Variants in NAV3 observed in about 807,000 individuals in gnomAD.
NAV3 encodes the protein neuron navigator 3.
In NAV3, 87 loss-of-function variants were observed where a neutral mutation model predicts 244.7. The observed-to-expected ratio is 0.36, with a 90% CI of 0.30 to 0.42. NAV3 has a LOEUF of 0.42. NAV3 is among the 20% of genes least tolerant of loss of function. The pLI is 1.00. For missense variants in NAV3, 2,663 were observed against 2,893.3 expected (o/e 0.92, Z 1.83); for synonymous variants, 1,126 against 1,042.2 (o/e 1.08, Z -1.55).
At position 77,894,687 on chromosome 12, in the gene NAV3, T is replaced by G. The variant is rs1278484452; in HGVS notation, c.244-45632T>G. 5.9e-5 allele frequency among the ~76,000 whole-genome samples: 9 copies of G among 152,062 alleles called. 1 individual carries two copies. In the South Asian group the frequency reaches 1.4e-3, roughly 24 times the overall value. On this transcript the variant is annotated intron_variant, in intron 1 of 39. Transcript: ENST00000397909. ...GATCCCTATTTTGAATAAGAGTAAA[T>G]GAGTGAAAAGCGCTGAGTAGAAGCA...
chr12:77,718,266 G>T (rs1285983616), intron 2 of NAV3, among the ~76,000 whole-genome samples: 1 of 152,068 alleles, frequency 6.6e-6, no homozygotes, highest in African/African-American at 2.4e-5. Context: ...GTACAATAAG[G>T]CTCAAATTTT....
chr12:77,842,261 T>C (rs1303977423), intron 1 of NAV3, among the ~76,000 whole-genome samples: 4 of 152,114 alleles, frequency 2.6e-5, no homozygotes, highest in Non-Finnish European at 5.9e-5. Flanking sequence ...AAATACCATA[T>C]AAAAAGCTCA....
chr12:77,642,379 A>G (rs1872452922), intron 2 of NAV3, among the ~76,000 whole-genome samples: 2 of 152,114 alleles, frequency 1.3e-5, no homozygotes, highest in South Asian at 4.1e-4. Context: ...TCAATCAGCC[A>G]CATGGGCTTT....
chr12:78,188,859 T>G, intron 33 of NAV3, 82 bp downstream of exon 33: 1 of 1,343,780 alleles, frequency 7.4e-7, no homozygotes, highest in Non-Finnish European at 1.0e-6. Context: ...TTTGGCCAGT[T>G]TCCCTTAAAA....
Position 78,193,910 on chromosome 12 carries a change from T to C in NAV3, c.6292-3337T>C, listed in dbSNP as rs536528771. On this transcript the variant is annotated intron_variant, in intron 34 of 39. Transcript: ENST00000397909. ...CCTTTGTGCCTCCCCACTCTCTCTC[T>C]CTCTTTCTGACATTCATGTTATCAT... 6.8e-4 allele frequency among the ~76,000 whole-genome samples: 104 copies of C among 152,146 alleles called. 1 individual carries two copies. Among genetic ancestry groups the C allele is most frequent in the African/African-American group, 2.4e-3 (100 of 41,532 alleles).
chr12:77,745,988 TA>T (rs35139297), intron 2 of NAV3, among the ~76,000 whole-genome samples: 2,990 of 107,514 alleles, frequency 0.028, 53 homozygotes, highest in Non-Finnish European at 0.038. Flanking sequence ...AGACTTAAGG[TA>T]AAAAAAAAAA....
intron 5 of NAV3, among the ~76,000 whole-genome samples, chr12:77,983,096 G>T (rs1379337419): frequency 1.3e-5 from 2 of 152,184 alleles, no homozygotes; most frequent in South Asian, 2.1e-4. Context: ...AGGTCAGTTT[G>T]TGGAAGTTGT....
At chr12:77,978,959 A>G (rs1017230664) in intron 5 of NAV3, among the ~76,000 whole-genome samples, 10 of 151,986 alleles carry the variant, frequency 6.6e-5, no homozygotes, top group Admixed American at 6.6e-4. Flanking sequence ...TTTCACTAGA[A>G]AACATATTAA....
At chr12:77,986,116 C>A (rs1247636887) in intron 5 of NAV3, among the ~76,000 whole-genome samples, 3 of 152,150 alleles carry the variant, frequency 2.0e-5, no homozygotes, top group Non-Finnish European at 4.4e-5. Context: ...AATCCCAGCA[C>A]TTTGGGAGGC....
chr12:77,852,693 C>G (rs902396689), intron 1 of NAV3, among the ~76,000 whole-genome samples: 1 of 152,090 alleles, frequency 6.6e-6, no homozygotes, highest in Non-Finnish European at 1.5e-5. Flanking sequence ...ATAAAGTACA[C>G]ATACCATAAA....
intron 12 of NAV3, among the ~76,000 whole-genome samples, chr12:78,073,695 A>C (rs1256556783): frequency 1.3e-5 from 2 of 152,166 alleles, no homozygotes; most frequent in Non-Finnish European, 1.5e-5. Context: ...AACTACTTTA[A>C]AGTTCATATG....
chr12:78,112,447 A>G (rs1481703897), intron 12 of NAV3, among the ~76,000 whole-genome samples: 1 of 152,194 alleles, frequency 6.6e-6, no homozygotes, highest in African/African-American at 2.4e-5. Flanking sequence ...TAATTGACTC[A>G]CAGTTCAACA....
At chr12:78,164,597 A>T (rs562318930) in intron 23 of NAV3, among the ~76,000 whole-genome samples, 1 of 152,200 alleles carries the variant, frequency 6.6e-6, no homozygotes, top group African/African-American at 2.4e-5. Context: ...GCATAGAATA[A>T]TGTGAATCTA....
intron 22 of NAV3, among the ~76,000 whole-genome samples, chr12:78,157,107 A>G (rs896159898): frequency 6.6e-6 from 1 of 152,124 alleles, no homozygotes; most frequent in African/African-American, 2.4e-5. Flanking sequence ...GAATAATAAG[A>G]GAGGGACAAA....
intron 2 of NAV3, among the ~76,000 whole-genome samples, chr12:77,734,190 C>T (rs1466914708): frequency 6.6e-6 from 1 of 151,864 alleles, no homozygotes; most frequent in Admixed American, 6.6e-5. Context: ...AGGTTGGTGC[C>T]GAAAATCTAG....
rs1156907822 is a variant in NAV3, at chr12:78,006,931, C to A, written c.1393C>A (p.Pro465Thr). The A allele has an allele frequency of 6.2e-7, 1 of 1,613,452 alleles. No homozygotes were observed. The highest frequency in any genetic ancestry group is 1.7e-5 in the Admixed American group (1 of 59,850). ...NLSNKKSLLQ[P>T]KEKEEKNRDK... ...CAGCAATAAAAAGTCTTTGCTACAG[C>A]CAAAGGAAAAAGAAGAAAAGAACAG... The change falls in exon 8 of 40, where the codon CCA (proline) becomes ACA (threonine). Residue 465 changes from proline to threonine, a missense_variant. Transcript: ENST00000397909.
At chr12:77,759,700 C>G (rs550834425) in intron 2 of NAV3, among the ~76,000 whole-genome samples, 2 of 152,248 alleles carry the variant, frequency 1.3e-5, no homozygotes, top group Admixed American at 1.3e-4. Flanking sequence ...GTAGTCAGCA[C>G]TCTACTAACA....
chr12:77,715,810 G>T (rs890723154), intron 2 of NAV3, among the ~76,000 whole-genome samples: 4 of 151,542 alleles, frequency 2.6e-5, no homozygotes, highest in African/African-American at 9.7e-5. Flanking sequence ...CTATTTTGCT[G>T]AGAGTAAAAA....
At chr12:78,071,052 C>T (rs1049397027) in intron 12 of NAV3, among the ~76,000 whole-genome samples, 1 of 151,580 alleles carries the variant, frequency 6.6e-6, no homozygotes, top group East Asian at 2.0e-4. Context: ...ATTTATAGTC[C>T]TTTGGGTATA....
Sources: gnomAD v4.1 joint callset for allele counts (sites outside exome capture counted in the v4.1 genomes callset) on GRCh38, gnomAD v4.1.1 for gene constraint, MANE v1.5 for transcripts, NCBI Gene and HGNC (gene_info 2026-07-23, HGNC 2026-07-21) for gene names.